Variants in LRP1B observed in about 807,000 individuals in gnomAD.
The protein encoded by LRP1B is LDL receptor related protein 1B.
In LRP1B, 217 loss-of-function variants were observed where a neutral mutation model predicts 556.6. That is an observed-to-expected ratio of 0.39 (90% CI 0.35 to 0.44). The LOEUF (loss-of-function observed/expected upper bound fraction) is 0.44. Ranked by LOEUF, LRP1B falls within the 20% of genes least tolerant of loss-of-function variation. LRP1B has a pLI of 1.00. For missense variants in LRP1B, 5,053 were observed against 5,620.8 expected, an observed-to-expected ratio of 0.90 and a Z score of 3.23; for synonymous variants, 2,047 against 1,865.8, an observed-to-expected ratio of 1.10 and a Z score of -2.50.
At chr2:141,813,778 T>C (rs909820109) in intron 1 of LRP1B, among the ~76,000 whole-genome samples, 1 of 152,122 alleles carries the variant, frequency 6.6e-6, no homozygotes, top group Non-Finnish European at 1.5e-5. Context: ...CAGAGAGTTC[T>C]GGATTCTTGT....
chr2:141,759,069 T>C (rs796666847), intron 2 of LRP1B, among the ~76,000 whole-genome samples: 2 of 152,212 alleles, frequency 1.3e-5, no homozygotes, highest in African/African-American at 4.8e-5. Flanking sequence ...AAGAAATGTA[T>C]CATCACTCTA....
At chr2:142,036,425 C>T (rs561178298) in intron 1 of LRP1B, among the ~76,000 whole-genome samples, 15 of 151,730 alleles carry the variant, frequency 9.9e-5, no homozygotes, top group African/African-American at 3.4e-4. Flanking sequence ...AATACTTGAT[C>T]TCTTAATATT....
intron 35 of LRP1B, among the ~76,000 whole-genome samples, chr2:140,753,490 G>T (rs1343321494): frequency 6.6e-6 from 1 of 152,086 alleles, no homozygotes; most frequent in African/African-American, 2.4e-5. Flanking sequence ...AAATGTCAAG[G>T]AGTCCACTTC....
chr2:140,518,321 G>A (rs1285961440), intron 49 of LRP1B, among the ~76,000 whole-genome samples: 1 of 152,054 alleles, frequency 6.6e-6, no homozygotes, highest in Non-Finnish European at 1.5e-5. Context: ...ACCCATTGCT[G>A]GCTTCCTGTC....
At chr2:141,734,083 G>C (rs1443298114) in intron 2 of LRP1B, among the ~76,000 whole-genome samples, 1 of 151,900 alleles carries the variant, frequency 6.6e-6, no homozygotes, top group African/African-American at 2.4e-5. Context: ...AAGGTGGTTG[G>C]CAATTAGATC....
intron 6 of LRP1B, among the ~76,000 whole-genome samples, chr2:141,213,074 C>T (rs1254133567): frequency 2.6e-5 from 4 of 152,006 alleles, no homozygotes; most frequent in Non-Finnish European, 5.9e-5. Context: ...TCTGGTGTTC[C>T]TCCCACCTCA....
chr2:140,671,941 C>G (rs1427591086), intron 41 of LRP1B, among the ~76,000 whole-genome samples: 1 of 152,108 alleles, frequency 6.6e-6, no homozygotes, highest in African/African-American at 2.4e-5. Context: ...TCAAAAGTCT[C>G]AAATCATTAA....
chr2:140,649,324 A>G (rs1392737626), intron 41 of LRP1B, among the ~76,000 whole-genome samples: 1 of 152,178 alleles, frequency 6.6e-6, no homozygotes, highest in Admixed American at 6.5e-5. Flanking sequence ...GCTCTGAAAT[A>G]CAGACTTCTC....
At chr2:140,605,462 T>C (rs761598345) in intron 41 of LRP1B, among the ~76,000 whole-genome samples, 1 of 152,182 alleles carries the variant, frequency 6.6e-6, no homozygotes, top group Non-Finnish European at 1.5e-5. Flanking sequence ...CTTACTGAAA[T>C]TGTGTCTAAA....
At chr2:140,896,863 T>C (rs1012654942) in intron 23 of LRP1B, among the ~76,000 whole-genome samples, 2 of 152,060 alleles carry the variant, frequency 1.3e-5, no homozygotes, top group African/African-American at 4.8e-5. Context: ...AAAGAAAACA[T>C]TTTAAAAGGG....
chr2:141,947,984 A>G (rs962931977), intron 1 of LRP1B, among the ~76,000 whole-genome samples: 7 of 152,134 alleles, frequency 4.6e-5, no homozygotes, highest in Non-Finnish European at 1.0e-4. Flanking sequence ...ACTGAGCCTC[A>G]GTTTTCTCAT....
chr2:142,050,698 A>T (rs1055424387), intron 1 of LRP1B, among the ~76,000 whole-genome samples: 3 of 152,180 alleles, frequency 2.0e-5, no homozygotes, highest in African/African-American at 7.2e-5. Flanking sequence ...CGAGTAGCTT[A>T]TATGAAGTAA....
intron 1 of LRP1B, among the ~76,000 whole-genome samples, chr2:141,884,027 T>C (rs1244562563): frequency 6.6e-6 from 1 of 152,190 alleles, no homozygotes. Context: ...CTTAAACATT[T>C]ATATTTTGCA....
At chr2:140,679,908 T>G (rs1685802482) in intron 41 of LRP1B, among the ~76,000 whole-genome samples, 1 of 151,988 alleles carries the variant, frequency 6.6e-6, no homozygotes, top group Non-Finnish European at 1.5e-5. Flanking sequence ...TTTGTTTATT[T>G]ATTTATTTAC....
chr2:141,407,204 C>T (rs553688075), intron 3 of LRP1B, among the ~76,000 whole-genome samples: 2 of 152,188 alleles, frequency 1.3e-5, no homozygotes, highest in African/African-American at 4.8e-5. Flanking sequence ...GATTGAAATG[C>T]TCCCCATTAC....
intron 18 of LRP1B, among the ~76,000 whole-genome samples, chr2:140,970,320 A>G (rs1355110617): frequency 6.6e-6 from 1 of 152,174 alleles, no homozygotes; most frequent in African/African-American, 2.4e-5. Flanking sequence ...CGAATCGGCT[A>G]CTGACACTTG....
At chr2:142,055,349 C>T (rs1029056781) in intron 1 of LRP1B, among the ~76,000 whole-genome samples, 1 of 152,096 alleles carries the variant, frequency 6.6e-6, no homozygotes, top group African/African-American at 2.4e-5. Context: ...ACAGGGTAAT[C>T]TAATGGCATA....
chr2:140,876,939 C>T (rs945969404), intron 25 of LRP1B, among the ~76,000 whole-genome samples: 5 of 152,122 alleles, frequency 3.3e-5, no homozygotes, highest in Non-Finnish European at 7.4e-5. Flanking sequence ...AACTATAGTA[C>T]ACCTGTTGTT....
At chr2:141,403,592 G>A (rs913407392) in intron 3 of LRP1B, among the ~76,000 whole-genome samples, 10 of 152,062 alleles carry the variant, frequency 6.6e-5, no homozygotes, top group African/African-American at 2.4e-4. Context: ...ATGAAACATG[G>A]GGATAAGCTG....
Sources: gnomAD v4.1 joint callset for allele counts (sites outside exome capture counted in the v4.1 genomes callset) on GRCh38, gnomAD v4.1.1 for gene constraint, MANE v1.5 for transcripts, NCBI Gene and HGNC (gene_info 2026-07-23, HGNC 2026-07-21) for gene names.